Variants in MPHOSPH9 observed in about 807,000 individuals in gnomAD.
MPHOSPH9 encodes the protein M-phase phosphoprotein 9.
MPHOSPH9 carries 88 observed loss-of-function variants against 145.5 expected under a neutral mutation model. That is an observed-to-expected ratio of 0.60 (90% CI 0.51 to 0.72). MPHOSPH9 has a LOEUF of 0.72. MPHOSPH9 is among the 30% of genes least tolerant of loss of function. The probability of loss-of-function intolerance (pLI) is 0.00; values close to 1 mark genes in which losing one functional copy is unlikely to be tolerated. For missense variants in MPHOSPH9, 1,238 were observed against 1,386.6 expected, an observed-to-expected ratio of 0.89 and a Z score of 1.70; for synonymous variants, 435 against 486.2, an observed-to-expected ratio of 0.89 and a Z score of 1.39.
intron 6 of MPHOSPH9, 140 bp from the exon 7 acceptor site, chr12:123,214,974 T>G: frequency 1.5e-6 from 1 of 653,952 alleles, no homozygotes; most frequent in Non-Finnish European, 2.7e-6. Context: ...CCAGGCGTGA[T>G]AGCTCACGCC....
chr12:123,242,451 G>T (rs1246747414), intron 1 of MPHOSPH9, among the ~76,000 whole-genome samples: 1 of 152,118 alleles, frequency 6.6e-6, no homozygotes, highest in Non-Finnish European at 1.5e-5. Flanking sequence ...GGATTACTCT[G>T]TATCACAAAC....
chr12:123,220,294 C>A (rs894858349), intron 5 of MPHOSPH9, among the ~76,000 whole-genome samples: 1 of 151,760 alleles, frequency 6.6e-6, no homozygotes, highest in African/African-American at 2.4e-5. Flanking sequence ...GGGCCAGGCA[C>A]GGTGGCTCAC....
At position 123,166,784 on chromosome 12, in the gene MPHOSPH9, A is replaced by G. The variant is rs1243719516; in HGVS notation, c.2462T>C (p.Leu821Pro). 6.2e-7 allele frequency: 1 copy of G among 1,612,624 alleles called. No homozygotes were observed. Among genetic ancestry groups the G allele is most frequent in the South Asian group, 1.1e-5 (1 of 90,802 alleles). The change falls in exon 17 of 24, where the codon CTA becomes CCA. Residue 821 changes from leucine to proline, a missense_variant. Leu to Pro is a moderately conservative substitution (Grantham distance 98). Transcript: ENST00000606320. Reference sequence around the variant, plus strand: ...CCGCCTGCTGACGTCTGAAGTTGCTAGTGTGCTATTAGAATGAAAACGGTC... The same window carrying G: ...CCGCCTGCTGACGTCTGAAGTTGCTGGTGTGCTATTAGAATGAAAACGGTC... The part of the protein sequence containing the change: ...IHVRPSRANT[L>P]ATSDVSRRKW...
chr12:123,230,602 C>A, intron 1 of MPHOSPH9, 80 bp from the exon 2 acceptor site: 1 of 368,436 alleles, frequency 2.7e-6, no homozygotes, highest in Non-Finnish European at 4.9e-6. Flanking sequence ...CTTTGGAAAC[C>A]TTAACTGCTT....
chr12:123,211,596 T>C (rs1419246934), intron 7 of MPHOSPH9, among the ~76,000 whole-genome samples: 2 of 150,700 alleles, frequency 1.3e-5, no homozygotes, highest in Non-Finnish European at 2.9e-5. Flanking sequence ...GCTCAAGCAA[T>C]CCACCCTCCT....
At chr12:123,184,646 C>G (rs867137748) in intron 13 of MPHOSPH9, among the ~76,000 whole-genome samples, 1 of 151,726 alleles carries the variant, frequency 6.6e-6, no homozygotes, top group Non-Finnish European at 1.5e-5. Flanking sequence ...TACAGGCATC[C>G]GCTACCACGC....
At chr12:123,197,116 A>G (rs1336975930) in intron 12 of MPHOSPH9, among the ~76,000 whole-genome samples, 1 of 147,578 alleles carries the variant, frequency 6.8e-6, no homozygotes, top group Non-Finnish European at 1.5e-5. Flanking sequence ...AAATATACTA[A>G]AATTCATGGA....
intron 19 of MPHOSPH9, chr12:123,163,706 T>C (rs1383456927): frequency 1.8e-5 from 7 of 391,210 alleles, no homozygotes; most frequent in Non-Finnish European, 3.2e-5. Flanking sequence ...TTGTAAACAA[T>C]TTACTGGACA....
chr12:123,179,108 C>T (rs895061690), intron 15 of MPHOSPH9, among the ~76,000 whole-genome samples: 2 of 152,146 alleles, frequency 1.3e-5, no homozygotes, highest in Non-Finnish European at 2.9e-5. Context: ...GAGGCACAAC[C>T]ATCAGTACAT....
intron 14 of MPHOSPH9, 24 bp from the exon 15 acceptor site, chr12:123,180,014 A>G (rs766090638): frequency 2.5e-6 from 3 of 1,202,930 alleles, no homozygotes; most frequent in African/African-American, 1.5e-5. Flanking sequence ...GGAGAAATTC[A>G]GATAACTGAA....
At chr12:123,195,454 C>T (rs1033471360) in intron 12 of MPHOSPH9, among the ~76,000 whole-genome samples, 1 of 151,862 alleles carries the variant, frequency 6.6e-6, no homozygotes, top group Non-Finnish European at 1.5e-5. Context: ...GGCTTAATGG[C>T]AGGCGCCTGT....
chr12:123,163,305 C>T lies in MPHOSPH9; in HGVS notation c.2909-171G>A. The T allele has an allele frequency of 4.8e-5, 31 of 649,816 alleles. No individual in the cohort carries two copies. The South Asian group carries it at 7.1e-4, about 15-fold the overall frequency. The allele number at this position is 649,816 out of a possible 1,614,324, so 40.3% of individuals were successfully genotyped here. On this transcript the variant is annotated intron_variant, in intron 19 of 23. Transcript: ENST00000606320. ...ATAAAATCACTCATAATCCTAACACCTAGAGGTAACCACTGTAACACTGTA... is the reference window on the plus strand; with the variant it reads ...ATAAAATCACTCATAATCCTAACACTTAGAGGTAACCACTGTAACACTGTA...
intron 7 of MPHOSPH9, among the ~76,000 whole-genome samples, chr12:123,213,054 T>A (rs145337541): frequency 2.2e-4 from 33 of 151,778 alleles, no homozygotes; most frequent in African/African-American, 8.0e-4. Context: ...AGAGACGGGG[T>A]TTCACTGTAT....
chr12:123,223,833 G>A (rs1307471989), intron 3 of MPHOSPH9, among the ~76,000 whole-genome samples: 1 of 152,016 alleles, frequency 6.6e-6, no homozygotes, highest in Non-Finnish European at 1.5e-5. Context: ...CTAAAAACTC[G>A]TGGGGTCCTG....
chr12:123,168,393 G>A (rs566086178), intron 16 of MPHOSPH9, among the ~76,000 whole-genome samples: 2 of 149,852 alleles, frequency 1.3e-5, no homozygotes, highest in East Asian at 2.0e-4. Context: ...CCAGGCTGGA[G>A]TACGGTGGCG....
chr12:123,208,135 T>C (rs948287293), intron 8 of MPHOSPH9, among the ~76,000 whole-genome samples: 3 of 144,520 alleles, frequency 2.1e-5, no homozygotes, highest in Non-Finnish European at 4.5e-5. Flanking sequence ...GGAGAATCAC[T>C]TGAACCTGGA....
intron 8 of MPHOSPH9, among the ~76,000 whole-genome samples, chr12:123,208,988 A>G (rs1174586983): frequency 2.6e-5 from 4 of 152,146 alleles, no homozygotes; most frequent in African/African-American, 9.7e-5. Context: ...GCTGGAGTGC[A>G]GTGGCACCAT....
chr12:123,220,370 C>A lies in MPHOSPH9; in HGVS notation c.872+1002G>T, dbSNP rs933359010. On this transcript the variant is annotated intron_variant, in intron 5 of 23. Coordinates refer to ENST00000606320, the MANE Select transcript of MPHOSPH9 (RefSeq NM_022782.4). ...CACCTGAGGTCAGGAGAGAGACCAG[C>A]CTGGCCAACACAGCGGAACTCTGTC... Among the ~76,000 whole-genome samples the A allele has an allele frequency of 1.2e-4, 18 of 151,914 alleles. 1 individual carries two copies. The highest frequency in any genetic ancestry group is 4.3e-4 in the African/African-American group (18 of 41,432).
chr12:123,210,985 T>C (rs1179856637), intron 7 of MPHOSPH9, among the ~76,000 whole-genome samples: 12 of 130,798 alleles, frequency 9.2e-5, no homozygotes, highest in African/African-American at 2.6e-4. Context: ...TTCTTTTTTT[T>C]TTTTTTTTTT....
Sources: allele counts gnomAD v4.1 joint callset (sites outside exome capture counted in the v4.1 genomes callset), GRCh38; gene constraint gnomAD v4.1.1; transcripts MANE v1.5; gene names NCBI Gene and HGNC (gene_info 2026-07-23, HGNC 2026-07-21).